Variants in CATSPERD observed in about 807,000 individuals in gnomAD.
CATSPERD encodes the protein cation channel sperm-associated auxiliary subunit delta.
A neutral mutation model predicts 98.1 loss-of-function variants in CATSPERD; 86 were observed. The observed-to-expected ratio is 0.88, with a 90% CI of 0.74 to 1.05. CATSPERD has a LOEUF of 1.05. CATSPERD is among the 50% of genes least tolerant of loss of function. CATSPERD has a pLI of 0.00. For missense variants in CATSPERD, 995 were observed against 1,005.7 expected, an observed-to-expected ratio of 0.99 and a Z score of 0.14; for synonymous variants, 394 against 390.2, an observed-to-expected ratio of 1.01 and a Z score of -0.12.
At chr19:5,767,449 T>G (rs2056561946) in intron 17 of CATSPERD, among the ~76,000 whole-genome samples, 1 of 151,102 alleles carries the variant, frequency 6.6e-6, no homozygotes, top group East Asian at 2.0e-4. Flanking sequence ...ATTTGGCAAC[T>G]GCTCATGCAT....
At chr19:5,778,066 C>T (rs140405531) in intron 21 of CATSPERD, among the ~76,000 whole-genome samples, 2,300 of 150,562 alleles carry the variant, frequency 0.015, 66 homozygotes, top group African/African-American at 0.053. Context: ...ATTAGCCAGG[C>T]ATGGTTGGCA....
intron 1 of CATSPERD, among the ~76,000 whole-genome samples, chr19:5,722,330 C>G (rs2055504540): frequency 6.6e-6 from 1 of 152,070 alleles, no homozygotes; most frequent in African/African-American, 2.4e-5. Context: ...ACCATGTTGC[C>G]CAGGTTGGTC....
At position 5,778,503 on chromosome 19, in the gene CATSPERD, A is replaced by G; in HGVS notation, c.2224A>G (p.Lys742Glu). The G allele has an allele frequency of 6.2e-7, 1 of 1,614,030 alleles. No individual in the cohort carries two copies. The highest frequency in any genetic ancestry group is 8.5e-7 in the Non-Finnish European group (1 of 1,180,042). The change falls in exon 22 of 22, where the codon AAG becomes GAG. Residue 742 changes from lysine to glutamate, a missense_variant. Coordinates refer to ENST00000381624, the MANE Select transcript of CATSPERD (RefSeq NM_152784.4). Reference protein sequence around the residue: ...SILGSVWLAYKTPKLLRTARG... With the variant: ...SILGSVWLAYETPKLLRTARG... Reference sequence around the variant, plus strand: ...CCTGGGGTCCGTTTGGCTGGCCTACAAGACCCCCAAGCTGCTACGCACAGC... The same window carrying G: ...CCTGGGGTCCGTTTGGCTGGCCTACGAGACCCCCAAGCTGCTACGCACAGC...
chr19:5,720,703 T>C lies in CATSPERD; in HGVS notation c.-35T>C. The stretch of plus-strand genomic sequence containing the variant: ...ATTGTGCAGCGACTCCCCGTGGCGG[T>C]TGAGGGGCAGTGGTGGCGGCGGAAG... On this transcript the variant is annotated 5_prime_UTR_variant, in exon 1 of 22. Transcript: ENST00000381624. 2 of 1,596,918 alleles carry C rather than the reference T, an allele frequency of 1.3e-6. No homozygotes were observed. The highest frequency in any genetic ancestry group is 1.7e-4 in the Middle Eastern group (1 of 5,722).
At chr19:5,771,614 A>C (rs2056646195) in intron 19 of CATSPERD, among the ~76,000 whole-genome samples, 1 of 144,824 alleles carries the variant, frequency 6.9e-6, no homozygotes, top group Non-Finnish European at 1.5e-5. Context: ...TCTGTCACCC[A>C]GGCTGGAGTG....
At chr19:5,758,158 G>A (rs992443889) in intron 14 of CATSPERD, among the ~76,000 whole-genome samples, 5 of 152,130 alleles carry the variant, frequency 3.3e-5, no homozygotes, top group Non-Finnish European at 5.9e-5. Flanking sequence ...AACCCAGCCC[G>A]GGGAGGGTAG....
At chr19:5,734,287 G>A (rs891635584) in intron 5 of CATSPERD, among the ~76,000 whole-genome samples, 3 of 152,192 alleles carry the variant, frequency 2.0e-5, no homozygotes, top group Admixed American at 2.0e-4. Context: ...CAGATCATCT[G>A]AGGTCAGGAG....
chr19:5,750,392 A>G lies in CATSPERD; in HGVS notation c.987+1209A>G, dbSNP rs568200525. Among the ~76,000 whole-genome samples the G allele has an allele frequency of 2.2e-3, 298 of 133,466 alleles. 3 individuals are homozygous for G. Among genetic ancestry groups the G allele is most frequent in the Middle Eastern group, 8.1e-3 (2 of 246 alleles). The allele number at this position is 133,466 out of a possible 152,430, so 87.6% of individuals were successfully genotyped here. On this transcript the variant is annotated intron_variant, in intron 11 of 21. Transcript: ENST00000381624. ...CGTGAATCCAGGAGGCGGAGCTTGCAGTGAGCAGAGATCAAGCCACTGCAC... is the reference window on the plus strand; with the variant it reads ...CGTGAATCCAGGAGGCGGAGCTTGCGGTGAGCAGAGATCAAGCCACTGCAC...
intron 7 of CATSPERD, among the ~76,000 whole-genome samples, chr19:5,742,798 A>G (rs999727350): frequency 2.6e-5 from 4 of 151,996 alleles, no homozygotes; most frequent in African/African-American, 4.8e-5. Context: ...CAAAAAAAGA[A>G]AAAGAAAAGA....
At position 5,771,061 on chromosome 19, in the gene CATSPERD, C is replaced by A. The variant is rs372154065; in HGVS notation, c.1752C>A (p.Pro584=). The stretch of plus-strand genomic sequence containing the variant: ...TCTACTATGACACCCTATGGAAGCC[C>A]GTGGTGGAGCTGTAAGACCCCAGGG... The part of the protein sequence containing the change: ...LLVYYDTLWK[P]VVELWRKDSF... Residue 584 remains proline, a synonymous_variant, in exon 19 of 22, where the codon CCC becomes CCA. Transcript: ENST00000381624. The A allele has an allele frequency of 6.2e-7, 1 of 1,613,410 alleles. No homozygotes were observed.
intron 14 of CATSPERD, 56 bp from the exon 15 acceptor site, chr19:5,759,030 G>A (rs1427693311): frequency 6.5e-6 from 10 of 1,530,168 alleles, no homozygotes; most frequent in Non-Finnish European, 9.1e-6. Flanking sequence ...TCCTGAGTTG[G>A]GGATGCCCAT....
At chr19:5,728,849 C>T (rs2055661001) in intron 3 of CATSPERD, among the ~76,000 whole-genome samples, 1 of 151,842 alleles carries the variant, frequency 6.6e-6, no homozygotes, top group African/African-American at 2.4e-5. Context: ...CAGGTGTGCA[C>T]CACCACGCCT....
chr19:5,754,230 A>G lies in CATSPERD; in HGVS notation c.1263A>G (p.Thr421=). ...CTTCGTTGATACCCCAGCCAGGCAC[A>G]TCCCTGATTCCTCTGGTAAGTACAT... ...LTASLIPQPG[T]SLIPLVMVSN... is the part of the protein sequence containing the mutation. The change falls in exon 13 of 22, where the codon ACA becomes ACG. Residue 421 remains threonine (T), a synonymous_variant. Coordinates refer to ENST00000381624, the MANE Select transcript of CATSPERD (RefSeq NM_152784.4). 6.2e-7 allele frequency: 1 copy of G among 1,612,736 alleles called. No individual in the cohort carries two copies. The highest frequency in any genetic ancestry group is 8.5e-7 in the Non-Finnish European group (1 of 1,178,804).
At position 5,776,318 on chromosome 19, in the gene CATSPERD, G is replaced by A; in HGVS notation, c.2096+3G>A. ...TCGATCGTGGATCCGTACTACAGGT[G>A]AGTGGGCCCATCTGCCCCTACGACA... On this transcript the variant is annotated splice_donor_region_variant and intron_variant, in intron 21 of 21. Transcript: ENST00000381624. 1.2e-6 allele frequency: 2 copies of A among 1,613,850 alleles called. No individual in the cohort carries two copies. The highest frequency in any genetic ancestry group is 1.7e-6 in the Non-Finnish European group (2 of 1,179,804).
chr19:5,752,613 A>G (rs1439074734), intron 12 of CATSPERD, among the ~76,000 whole-genome samples: 1 of 152,200 alleles, frequency 6.6e-6, no homozygotes, highest in African/African-American at 2.4e-5. Flanking sequence ...GCAAGCATCA[A>G]TCCAGCTGCA....
At chr19:5,761,990 G>A (rs1286068059) in intron 15 of CATSPERD, among the ~76,000 whole-genome samples, 4 of 138,406 alleles carry the variant, frequency 2.9e-5, no homozygotes, top group African/African-American at 7.9e-5. Flanking sequence ...TGCCCGCCTT[G>A]GCCTCCCAAA....
chr19:5,770,290 CGTG>C (rs1203288476), intron 18 of CATSPERD, among the ~76,000 whole-genome samples: 2 of 150,918 alleles, frequency 1.3e-5, no homozygotes, highest in East Asian at 2.0e-4. Context: ...ATTAGCCGGG[CGTG>C]GTGGTGGGCA....
intron 7 of CATSPERD, among the ~76,000 whole-genome samples, chr19:5,740,802 TG>T (rs1311155886): frequency 6.8e-6 from 1 of 146,090 alleles, no homozygotes; most frequent in Non-Finnish European, 1.5e-5. Context: ...CGCCCAGCCG[TG>T]TAGGGACATG....
chr19:5,747,610 C>CTTT (rs10603074), intron 9 of CATSPERD, among the ~76,000 whole-genome samples: 26 of 87,422 alleles, frequency 3.0e-4, no homozygotes, highest in Middle Eastern at 6.5e-3. Context: ...TTTTTCTTTT[C>CTTT]TTTTTTTTTT....
Sources: allele counts gnomAD v4.1 joint callset (sites outside exome capture counted in the v4.1 genomes callset), GRCh38; gene constraint gnomAD v4.1.1; transcripts MANE v1.5; gene names NCBI Gene and HGNC (gene_info 2026-07-23, HGNC 2026-07-21).